SUGCT: variants seen among roughly 807,000 people sequenced by gnomAD.
SUGCT encodes succinyl-CoA:glutarate-CoA transferase.
Under a neutral mutation model 55.0 loss-of-function variants are expected in SUGCT, and 41 were observed. The observed-to-expected ratio is 0.74, with a 90% CI of 0.58 to 0.97. The LOEUF is 0.97. Ranked by LOEUF, SUGCT falls within the 50% of genes least tolerant of loss-of-function variation. The pLI is 0.00. For missense variants in SUGCT, 568 were observed against 547.8 expected, an observed-to-expected ratio of 1.04 and a Z score of -0.37; for synonymous variants, 187 against 200.4, an observed-to-expected ratio of 0.93 and a Z score of 0.56.
At chr7:40,143,815 G>T (rs1346440812) in intron 1 of SUGCT, among the ~76,000 whole-genome samples, 1 of 152,150 alleles carries the variant, frequency 6.6e-6, no homozygotes, top group Admixed American at 6.6e-5. Context: ...ATCCAATAGG[G>T]TCTGTCCCTG....
intron 11 of SUGCT, among the ~76,000 whole-genome samples, chr7:40,490,949 G>T (rs73122144): frequency 0.11 from 16,891 of 152,202 alleles, 1,173 homozygotes; most frequent in Middle Eastern, 0.21. Flanking sequence ...GTCTCAAATT[G>T]TCGTCCTTCT....
the SUGCT span, among the ~76,000 whole-genome samples, chr7:41,020,890 A>T: frequency 2.6e-5 from 4 of 152,262 alleles, no homozygotes; most frequent in Admixed American, 1.3e-4. Context: ...GAGCGAATGT[A>T]GCAGCAGCCT....
At chr7:40,611,425 AAG>A (rs1328344769) in intron 12 of SUGCT, among the ~76,000 whole-genome samples, 3 of 152,196 alleles carry the variant, frequency 2.0e-5, no homozygotes, top group Non-Finnish European at 1.5e-5. Flanking sequence ...GCATGATTGA[AAG>A]AGGAACAAAA....
chr7:40,298,179 G>T, intron 8 of SUGCT, among the ~76,000 whole-genome samples: 2 of 149,832 alleles, frequency 1.3e-5, no homozygotes. Context: ...TGTTATTTTT[G>T]AGTATCTTGA....
intron 8 of SUGCT, among the ~76,000 whole-genome samples, chr7:40,299,818 A>C (rs1195940515): frequency 6.6e-6 from 1 of 152,158 alleles, no homozygotes; most frequent in East Asian, 1.9e-4. Context: ...TGGAATCAAC[A>C]ATTTTTTTAT....
chr7:40,218,154 C>T (rs145849816), intron 6 of SUGCT, among the ~76,000 whole-genome samples: 55 of 152,138 alleles, frequency 3.6e-4, no homozygotes, highest in Middle Eastern at 3.4e-3. Flanking sequence ...CAGAGGCTGC[C>T]GTGAGCTGAC....
intron 9 of SUGCT, among the ~76,000 whole-genome samples, chr7:40,350,416 C>T (rs918092776): frequency 2.0e-5 from 3 of 151,402 alleles, no homozygotes; most frequent in African/African-American, 4.8e-5. Flanking sequence ...CAGGTTCAAG[C>T]GATTTTTCTG....
intron 9 of SUGCT, among the ~76,000 whole-genome samples, chr7:40,446,127 T>G (rs950973883): frequency 6.6e-6 from 1 of 152,120 alleles, no homozygotes; most frequent in African/African-American, 2.4e-5. Flanking sequence ...TTCTTAAAAA[T>G]TTTAAACTTT....
intron 12 of SUGCT, among the ~76,000 whole-genome samples, chr7:40,639,092 G>T (rs913282089): frequency 2.6e-5 from 4 of 152,170 alleles, no homozygotes; most frequent in African/African-American, 9.7e-5. Context: ...ATAGTTTTCT[G>T]TGGCATCTTG....
Position 40,272,663 on chromosome 7 carries a change from TA to T in SUGCT, c.577-1849del, listed in dbSNP as rs1244728797. Among the ~76,000 whole-genome samples, 188 of 140,554 alleles carry T rather than the reference TA, an allele frequency of 1.3e-3. 1 individual carries two copies. The highest frequency in any genetic ancestry group is 6.1e-3 in the South Asian group (26 of 4,290). The allele number at this position is 140,554 out of a possible 152,430, so 92.2% of individuals were successfully genotyped here. On this transcript the variant is annotated intron_variant, in intron 7 of 13. Transcript: ENST00000335693. ...ATGGTATTATTATTATTATTATTAT[TA>T]TTTTTTTTTTTTTGAGATGGAGTCT...
chr7:40,257,834 A>G (rs1289773420), intron 7 of SUGCT, among the ~76,000 whole-genome samples: 1 of 152,230 alleles, frequency 6.6e-6, no homozygotes, highest in East Asian at 1.9e-4. Context: ...AGATCATGCC[A>G]CTGTACTCTA....
intron 12 of SUGCT, among the ~76,000 whole-genome samples, chr7:40,674,908 G>A (rs1223595457): frequency 6.6e-6 from 1 of 152,032 alleles, no homozygotes; most frequent in Non-Finnish European, 1.5e-5. Flanking sequence ...GGTGAGTGCT[G>A]TATATTAGGA....
intron 8 of SUGCT, among the ~76,000 whole-genome samples, chr7:40,276,805 G>GTT (rs1792519670): frequency 7.2e-6 from 1 of 138,288 alleles, no homozygotes; most frequent in Non-Finnish European, 1.6e-5. Context: ...ATGTGTGTGT[G>GTT]TGTGTGTGTG....
intron 9 of SUGCT, among the ~76,000 whole-genome samples, chr7:40,423,982 T>C (rs535821202): frequency 5.3e-5 from 8 of 152,222 alleles, no homozygotes; most frequent in Admixed American, 4.6e-4. Flanking sequence ...TTTGGACTGG[T>C]AACAGACAAC....
chr7:40,818,683 A>G (rs1294046817), intron 13 of SUGCT, among the ~76,000 whole-genome samples: 1 of 152,188 alleles, frequency 6.6e-6, no homozygotes, highest in African/African-American at 2.4e-5. Flanking sequence ...GGCAGGGAAT[A>G]TAGATGAATC....
chr7:40,314,606 C>A (rs797019658), intron 8 of SUGCT, among the ~76,000 whole-genome samples: 24 of 135,356 alleles, frequency 1.8e-4, no homozygotes, highest in African/African-American at 6.5e-4. Flanking sequence ...CTCTCGTTGC[C>A]GAGGCTGGAG....
At chr7:40,298,497 T>C (rs1794318255) in intron 8 of SUGCT, among the ~76,000 whole-genome samples, 1 of 152,190 alleles carries the variant, frequency 6.6e-6, no homozygotes, top group Non-Finnish European at 1.5e-5. Context: ...AATAATTTTC[T>C]TTTAGTGGGT....
At chr7:41,022,393 T>C in the SUGCT span, among the ~76,000 whole-genome samples, 1 of 152,148 alleles carries the variant, frequency 6.6e-6, no homozygotes, top group Non-Finnish European at 1.5e-5. Flanking sequence ...AAAAACATTT[T>C]CAGATAAACA....
intron 9 of SUGCT, among the ~76,000 whole-genome samples, chr7:40,376,412 T>C (rs1164580782): frequency 1.3e-5 from 2 of 151,672 alleles, no homozygotes; most frequent in Non-Finnish European, 2.9e-5. Flanking sequence ...TTTTTTGAGC[T>C]GGAGTCTTGC....
Sources: allele counts gnomAD v4.1 joint callset (sites outside exome capture counted in the v4.1 genomes callset), GRCh38; gene constraint gnomAD v4.1.1; transcripts MANE v1.5; gene names NCBI Gene and HGNC (gene_info 2026-07-23, HGNC 2026-07-21).